Variants in KSR2 observed in about 807,000 individuals in gnomAD.
KSR2 encodes kinase suppressor of ras 2.
In KSR2, 25 loss-of-function variants were observed where a neutral mutation model predicts 107.8. The ratio of observed to expected loss-of-function variants is 0.23; its 90% confidence interval spans 0.17 to 0.32. KSR2 has a LOEUF of 0.32. Ranked by LOEUF, KSR2 falls within the 10% of genes least tolerant of loss-of-function variation. The probability of loss-of-function intolerance (pLI) is 1.00; values close to 1 mark genes in which losing one functional copy is unlikely to be tolerated. For synonymous variants in KSR2, 480 were observed against 507.0 expected (o/e 0.95, Z 0.71); for missense variants, 887 against 1,268.9 (o/e 0.70, Z 4.57).
intron 3 of KSR2, among the ~76,000 whole-genome samples, chr12:117,772,365 ACT>A (rs1889519140): frequency 7.1e-6 from 1 of 141,046 alleles, no homozygotes; most frequent in Admixed American, 7.0e-5. Context: ...ACGCACACAC[ACT>A]CACACATACA....
At chr12:117,544,945 G>C (rs1435573131) in intron 9 of KSR2, among the ~76,000 whole-genome samples, 1 of 152,174 alleles carries the variant, frequency 6.6e-6, no homozygotes, top group Non-Finnish European at 1.5e-5. Context: ...TCATCACTAA[G>C]TATAATGTTA....
At chr12:117,819,914 G>A (rs1891503739) in intron 3 of KSR2, among the ~76,000 whole-genome samples, 1 of 152,050 alleles carries the variant, frequency 6.6e-6, no homozygotes, top group South Asian at 2.1e-4. Flanking sequence ...TTTCTGCTTT[G>A]TTAAAAATGC....
At chr12:117,946,545 C>T (rs879823758) in intron 1 of KSR2, among the ~76,000 whole-genome samples, 1 of 152,092 alleles carries the variant, frequency 6.6e-6, no homozygotes, top group Non-Finnish European at 1.5e-5. Flanking sequence ...AAATACACTA[C>T]ATGAATAATC....
intron 1 of KSR2, among the ~76,000 whole-genome samples, chr12:117,861,831 A>C (rs1893308374): frequency 6.6e-6 from 1 of 152,148 alleles, no homozygotes; most frequent in Non-Finnish European, 1.5e-5. Flanking sequence ...AATGAGATAG[A>C]CCTGAACCCA....
chr12:117,639,628 C>CATATTATTA (rs1565939319), intron 5 of KSR2, among the ~76,000 whole-genome samples: 3 of 52,186 alleles, frequency 5.7e-5, no homozygotes, highest in East Asian at 1.0e-3. Flanking sequence ...CCGCACCCAG[C>CATATTATTA]GTATTATTAT....
intron 13 of KSR2, among the ~76,000 whole-genome samples, chr12:117,526,027 G>A (rs191630196): frequency 6.1e-4 from 93 of 152,250 alleles, no homozygotes; most frequent in African/African-American, 1.9e-3. Context: ...CCCCAGGGCC[G>A]GTGTGAGGTT....
At chr12:117,494,215 G>A (rs1221680671) in intron 14 of KSR2, among the ~76,000 whole-genome samples, 1 of 152,078 alleles carries the variant, frequency 6.6e-6, no homozygotes, top group Non-Finnish European at 1.5e-5. Context: ...CAGCTTCTAT[G>A]GGGGTCTGCA....
chr12:117,939,340 T>C (rs1237019789), intron 1 of KSR2, among the ~76,000 whole-genome samples: 2 of 152,180 alleles, frequency 1.3e-5, no homozygotes, highest in Non-Finnish European at 2.9e-5. Context: ...TGGGGAGGCA[T>C]TGATTGACCA....
At chr12:117,706,502 T>C (rs1196669289) in intron 4 of KSR2, among the ~76,000 whole-genome samples, 1 of 152,022 alleles carries the variant, frequency 6.6e-6, no homozygotes, top group African/African-American at 2.4e-5. Context: ...TCTCTCTGCA[T>C]TAGCCATTCT....
chr12:117,575,343 A>C (rs1283001085), intron 7 of KSR2, among the ~76,000 whole-genome samples: 2 of 152,128 alleles, frequency 1.3e-5, no homozygotes, highest in Non-Finnish European at 2.9e-5. Context: ...CCTTGGTGTC[A>C]CCTCTCTGAA....
chr12:117,685,648 G>A (rs1239564504), intron 4 of KSR2, among the ~76,000 whole-genome samples: 4 of 152,166 alleles, frequency 2.6e-5, no homozygotes, highest in African/African-American at 7.2e-5. Flanking sequence ...AAACATTCCC[G>A]AAATCAGAGG....
At chr12:117,615,305 T>TGGGGAAGCTCAG (rs1346748276) in intron 5 of KSR2, among the ~76,000 whole-genome samples, 7 of 151,984 alleles carry the variant, frequency 4.6e-5, no homozygotes, top group Non-Finnish European at 1.0e-4. Context: ...TTAAAGATGT[T>TGGGGAAGCTCAG]GGGGAAGCTC....
chr12:117,898,470 C>T (rs529092807), intron 1 of KSR2, among the ~76,000 whole-genome samples: 1 of 151,956 alleles, frequency 6.6e-6, no homozygotes, highest in South Asian at 2.1e-4. Context: ...CAGGCACCTG[C>T]CACCATGCCC....
At chr12:117,862,010 T>A (rs1016702969) in intron 1 of KSR2, among the ~76,000 whole-genome samples, 1 of 151,724 alleles carries the variant, frequency 6.6e-6, no homozygotes, top group Non-Finnish European at 1.5e-5. Flanking sequence ...TTTCTTTATA[T>A]ACATTTTTTT....
chr12:117,947,205 AAAAGAAAGAAAG>A lies in KSR2; in HGVS notation c.180+20859_180+20870del, dbSNP rs773449400. On this transcript the variant is annotated intron_variant, in intron 1 of 19. Transcript: ENST00000339824. ...AAGAAAGAAAAGAAAGAAAAGAAAG[AAAAGAAAGAAAG>A]AAAGAAAGAAAGAAAGAAAGAAAGA... 2.2e-3 allele frequency among the ~76,000 whole-genome samples: 154 copies of A among 69,228 alleles called. 1 individual carries two copies. Among genetic ancestry groups the A allele is most frequent in the Middle Eastern group, 0.021 (3 of 144 alleles). 45.4% of individuals were successfully genotyped at this position (69,228 alleles called of 152,430 possible).
chr12:117,926,701 A>G (rs1895530119), intron 1 of KSR2, among the ~76,000 whole-genome samples: 2 of 152,206 alleles, frequency 1.3e-5, no homozygotes. Context: ...AGACGGCCCA[A>G]TGACCTTCAC....
chr12:117,582,401 G>A (rs1485018677), intron 5 of KSR2, 42 bp from the exon 6 acceptor site: 2 of 1,505,796 alleles, frequency 1.3e-6, no homozygotes, highest in Admixed American at 1.7e-5. Flanking sequence ...GAGGGTCAGA[G>A]ACTGGGGTGG....
intron 2 of KSR2, among the ~76,000 whole-genome samples, chr12:117,858,480 C>T (rs990162455): frequency 2.6e-5 from 4 of 151,838 alleles, no homozygotes; most frequent in Admixed American, 2.0e-4. Context: ...AGGAATGGAG[C>T]GGGGTGATGC....
chr12:117,774,843 G>A (rs1045724166), intron 3 of KSR2, among the ~76,000 whole-genome samples: 14 of 151,732 alleles, frequency 9.2e-5, no homozygotes, highest in Non-Finnish European at 1.6e-4. Flanking sequence ...CCCAGCCCCT[G>A]GCAAGCCCTA....
Sources: allele counts gnomAD v4.1 joint callset (sites outside exome capture counted in the v4.1 genomes callset), GRCh38; gene constraint gnomAD v4.1.1; transcripts MANE v1.5; gene names NCBI Gene and HGNC (gene_info 2026-07-23, HGNC 2026-07-21).